Variants in B3GAT2 observed in about 807,000 individuals in gnomAD.
B3GAT2 encodes the protein galactosylgalactosylxylosylprotein 3-beta-glucuronosyltransferase 2.
In B3GAT2, 26 loss-of-function variants were observed where a neutral mutation model predicts 27.8. The observed-to-expected ratio is 0.93, with a 90% CI of 0.68 to 1.30. The LOEUF (loss-of-function observed/expected upper bound fraction) is 1.30, where lower values mean the gene tolerates loss of function less well. Among genes scored for constraint, B3GAT2 ranks in the 50% most tolerant of loss-of-function variants. The pLI is 0.00. For missense variants in B3GAT2, 458 were observed against 459.0 expected (o/e 1.00, Z 0.02); for synonymous variants, 218 against 195.1 (o/e 1.12, Z -0.98).
chr6:70,883,653 T>C (rs1163114203), intron 2 of B3GAT2, among the ~76,000 whole-genome samples: 1 of 152,140 alleles, frequency 6.6e-6, no homozygotes, highest in Non-Finnish European at 1.5e-5. Context: ...GTGGTTATGG[T>C]TGCACAACAA....
rs903913356 is a variant in B3GAT2 at position 70,858,145 on chromosome 6, A to G, written c.*3518T>C. 1.6e-5 allele frequency: 26 copies of G among 1,613,940 alleles called. No homozygotes were observed. The highest frequency in any genetic ancestry group is 3.3e-5 in the South Asian group (3 of 91,080). On this transcript the variant is annotated 3_prime_UTR_variant, in exon 4 of 4. Transcript: ENST00000230053. ...TTCCTCAGAACGTTGTTGGCCCCCA[A>G]GGAGGAATGGTGGGACAAATGGGTG...
rs764670720 is a variant in B3GAT2, at chr6:70,862,016, T to C, written c.737-38A>G. The stretch of plus-strand genomic sequence containing the variant: ...TAAAAAAAAAAAAGAGACTTTAAAA[T>C]CCTGGTGTACTTCTCTTTTTTTCTG... On this transcript the variant is annotated intron_variant, in intron 2 of 3. Transcript: ENST00000230053. 3 of 1,537,954 alleles carry C rather than the reference T, an allele frequency of 2.0e-6. No individual in the cohort carries two copies. In the Admixed American group the frequency reaches 6.3e-5, roughly 32 times the overall value.
At chr6:70,905,461 A>C (rs1772585346) in intron 1 of B3GAT2, among the ~76,000 whole-genome samples, 1 of 152,242 alleles carries the variant, frequency 6.6e-6, no homozygotes, top group Non-Finnish European at 1.5e-5. Context: ...TTAATACAAA[A>C]TTAAATTATA....
At chr6:70,930,785 A>T (rs2150045741) in intron 1 of B3GAT2, among the ~76,000 whole-genome samples, 1 of 152,322 alleles carries the variant, frequency 6.6e-6, no homozygotes, top group East Asian at 1.9e-4. Flanking sequence ...GTGATTCCTC[A>T]AGGATCTAGA....
rs570285384 is a variant in B3GAT2, at chr6:70,881,858, C to T, written c.736+12270G>A. ...TGATCCCCCTCCTCTGTCTGTCTGT[C>T]CATCCAAACTTAGCCTCACATTTCT... On this transcript the variant is annotated intron_variant, in intron 2 of 3. Transcript: ENST00000230053. Among the ~76,000 whole-genome samples the T allele has an allele frequency of 5.3e-5, 8 of 152,286 alleles. No homozygotes were observed. In the South Asian group the frequency reaches 1.7e-3, roughly 32 times the overall value.
chr6:70,929,175 A>G (rs530124366), intron 1 of B3GAT2, among the ~76,000 whole-genome samples: 2 of 152,084 alleles, frequency 1.3e-5, no homozygotes, highest in African/African-American at 2.4e-5. Flanking sequence ...ACACTTGGAC[A>G]CAGGAAGGGG....
chr6:70,862,697 C>G (rs963364383), intron 2 of B3GAT2, among the ~76,000 whole-genome samples: 6 of 152,234 alleles, frequency 3.9e-5, no homozygotes. Context: ...TGGCTGGGCA[C>G]AGTGTCTCAC....
rs908340130 is a variant in B3GAT2 at position 70,858,333 on chromosome 6, A to G, written c.*3330T>C. Reference sequence around the variant, plus strand: ...TTTTTTTTAAGTCTAGTGATCTGGCAGAAAGAATTCAATAGGGATAATATG... The same window carrying G: ...TTTTTTTTAAGTCTAGTGATCTGGCGGAAAGAATTCAATAGGGATAATATG... On this transcript the variant is annotated 3_prime_UTR_variant, in exon 4 of 4. Transcript: ENST00000230053. 2 of 1,052,450 alleles carry G rather than the reference A, an allele frequency of 1.9e-6. No homozygotes were observed. Among genetic ancestry groups the G allele is most frequent in the Non-Finnish European group, 2.6e-6 (2 of 768,558 alleles). 65.2% of individuals were successfully genotyped at this position (1,052,450 alleles called of 1,614,324 possible).
intron 2 of B3GAT2, among the ~76,000 whole-genome samples, chr6:70,887,359 A>C (rs1468332698): frequency 6.6e-6 from 1 of 152,210 alleles, no homozygotes; most frequent in African/African-American, 2.4e-5. Flanking sequence ...ACGTCCCTGC[A>C]GAGAGCCCAC....
At chr6:70,929,297 T>C (rs955851782) in intron 1 of B3GAT2, among the ~76,000 whole-genome samples, 20 of 112,660 alleles carry the variant, frequency 1.8e-4, no homozygotes, top group Admixed American at 1.8e-3. Context: ...TGTATACATA[T>C]GTAAAAACCT....
chr6:70,861,570 A>G lies in B3GAT2; in HGVS notation c.*93T>C, dbSNP rs1439230705. The G allele has an allele frequency of 2.5e-6, 3 of 1,185,892 alleles. No individual in the cohort carries two copies. Among genetic ancestry groups the G allele is most frequent in the African/African-American group, 3.0e-5 (2 of 65,820 alleles). 73.5% of individuals were successfully genotyped at this position (1,185,892 alleles called of 1,614,324 possible). A position where few individuals can be genotyped will look rare whatever the true frequency, so the allele number is the denominator to read the frequency against. On this transcript the variant is annotated 3_prime_UTR_variant, in exon 4 of 4. Coordinates refer to ENST00000230053, the MANE Select transcript of B3GAT2 (RefSeq NM_080742.3). The stretch of plus-strand genomic sequence containing the variant: ...AAGGCTGCTGTACTGAAGTAAAACA[A>G]ACAATACCTGAATGCTCTGTAGCCT...
Position 70,858,199 on chromosome 6 carries a change from A to C in B3GAT2, c.*3464T>G, listed in dbSNP as rs775075126. ...CCCAGAGTAAGTTTGGCCTGCCGCA[A>C]GCTCAGCAGCCCCAGTGGAGCCTCT... On this transcript the variant is annotated 3_prime_UTR_variant, in exon 4 of 4. Transcript: ENST00000230053. The C allele has an allele frequency of 6.2e-7, 1 of 1,613,434 alleles. No homozygotes were observed. Among genetic ancestry groups the C allele is most frequent in the African/African-American group, 1.3e-5 (1 of 74,916 alleles).
At chr6:70,866,892 C>T (rs545884110) in intron 2 of B3GAT2, among the ~76,000 whole-genome samples, 16 of 152,266 alleles carry the variant, frequency 1.1e-4, no homozygotes, top group African/African-American at 3.6e-4. Flanking sequence ...GGAACATTAT[C>T]ACGATAGTTA....
At chr6:70,909,719 C>T (rs1240931914) in intron 1 of B3GAT2, among the ~76,000 whole-genome samples, 2 of 152,190 alleles carry the variant, frequency 1.3e-5, no homozygotes, top group Admixed American at 6.5e-5. Flanking sequence ...CTTCTCTATC[C>T]TGCTTTGAGT....
chr6:70,927,350 CTAAAAGCCCCAAT>C (rs1374905706), intron 1 of B3GAT2, among the ~76,000 whole-genome samples: 1 of 152,124 alleles, frequency 6.6e-6, no homozygotes, highest in Admixed American at 6.5e-5. Flanking sequence ...TGTAAATGGG[CTAAAAGCCCCAAT>C]TAAAAGACAC....
In B3GAT2 at chr6:70,857,842, G is replaced by T; in HGVS notation, c.*3821C>A. The T allele has an allele frequency of 6.7e-7, 1 of 1,501,622 alleles. No homozygotes were observed. 93.0% of individuals were successfully genotyped at this position (1,501,622 alleles called of 1,614,324 possible). A position where few individuals can be genotyped will look rare whatever the true frequency, so the allele number is the denominator to read the frequency against. On this transcript the variant is annotated 3_prime_UTR_variant, in exon 4 of 4. Transcript: ENST00000230053. ...TGTTTGCTGTGAGTAGTTCAGAAAGGCAATTTTTCTGTGATTATAGAGATG... is the reference window on the plus strand; with the variant it reads ...TGTTTGCTGTGAGTAGTTCAGAAAGTCAATTTTTCTGTGATTATAGAGATG...
chr6:70,891,748 TTGTGTGTGTGTGTG>T lies in B3GAT2; in HGVS notation c.736+2366_736+2379del, dbSNP rs147352529. On this transcript the variant is annotated intron_variant, in intron 2 of 3. Transcript: ENST00000230053. ...AAAGTAGAGCTCCTCAGAGCTCAGA[TTGTGTGTGTGTGTG>T]TGTGTGTGTGTGTGTGTGTGTGTAC... is the stretch of plus-strand genomic sequence containing the variant. Among the ~76,000 whole-genome samples, 10 of 144,746 alleles carry T rather than the reference TTGTGTGTGTGTGTG, an allele frequency of 6.9e-5. No individual in the cohort carries two copies. In the South Asian group the frequency reaches 9.1e-4, roughly 13 times the overall value. The allele number at this position is 144,746 out of a possible 152,430, so 95.0% of individuals were successfully genotyped here. A position where few individuals can be genotyped will look rare whatever the true frequency, so the allele number is the denominator to read the frequency against.
chr6:70,952,458 GA>G (rs1450063867), intron 1 of B3GAT2, among the ~76,000 whole-genome samples: 1 of 152,094 alleles, frequency 6.6e-6, no homozygotes, highest in East Asian at 1.9e-4. Context: ...GTTTTCTGGT[GA>G]AAAACAGAAA....
At chr6:70,944,435 G>GCTCGGAGGGTCCCA (rs1554218000) in intron 1 of B3GAT2, among the ~76,000 whole-genome samples, 5 of 151,576 alleles carry the variant, frequency 3.3e-5, no homozygotes, top group Non-Finnish European at 5.9e-5. Flanking sequence ...CCCACACATG[G>GCTCGGAGGGTCCCA]CGCCCACGGA....
Sources: gnomAD v4.1 joint callset for allele counts (sites outside exome capture counted in the v4.1 genomes callset) on GRCh38, gnomAD v4.1.1 for gene constraint, MANE v1.5 for transcripts, NCBI Gene and HGNC (gene_info 2026-07-23, HGNC 2026-07-21) for gene names.